CTNNA3: variants seen among roughly 807,000 people sequenced by gnomAD.
The protein encoded by CTNNA3 is catenin alpha-3.
CTNNA3 carries 76 observed loss-of-function variants against 95.7 expected under a neutral mutation model. That is an observed-to-expected ratio of 0.79 (90% CI 0.66 to 0.96). CTNNA3 has a LOEUF of 0.96. CTNNA3 is among the 40% of genes least tolerant of loss of function. The pLI, the probability that CTNNA3 is intolerant of heterozygous loss-of-function variation, is 0.00. For synonymous variants in CTNNA3, 431 were observed against 374.4 expected (o/e 1.15, Z -1.74); for missense variants, 1,191 against 1,089.8 (o/e 1.09, Z -1.31).
At chr10:67,176,624 C>T (rs2132126237) in intron 7 of CTNNA3, among the ~76,000 whole-genome samples, 1 of 152,276 alleles carries the variant, frequency 6.6e-6, no homozygotes, top group Non-Finnish European at 1.5e-5. Flanking sequence ...GAATATGTTA[C>T]CTGACATGGC....
intron 12 of CTNNA3, among the ~76,000 whole-genome samples, chr10:66,368,637 G>A (rs575555477): frequency 1.3e-5 from 2 of 151,934 alleles, no homozygotes; most frequent in South Asian, 4.1e-4. Context: ...TGGAGATACG[G>A]CAAATACATT....
intron 13 of CTNNA3, among the ~76,000 whole-genome samples, chr10:66,229,652 A>T (rs2089488642): frequency 2.0e-5 from 3 of 151,624 alleles, no homozygotes; most frequent in Admixed American, 2.0e-4. Context: ...CTGTTTTTAG[A>T]TTCTCCCCTT....
chr10:66,048,802 G>T (rs1037028979), intron 15 of CTNNA3, among the ~76,000 whole-genome samples: 7 of 151,956 alleles, frequency 4.6e-5, no homozygotes, highest in African/African-American at 1.7e-4. Context: ...ATGGATTAAA[G>T]ACTTAAATGT....
intron 5 of CTNNA3, among the ~76,000 whole-genome samples, chr10:67,463,624 C>G (rs1418516467): frequency 6.6e-6 from 1 of 152,074 alleles, no homozygotes; most frequent in Non-Finnish European, 1.5e-5. Context: ...TTTCTGGGAG[C>G]CTTTTGTTAC....
intron 5 of CTNNA3, among the ~76,000 whole-genome samples, chr10:67,445,517 C>T (rs531728867): frequency 6.6e-6 from 1 of 152,242 alleles, no homozygotes; most frequent in South Asian, 2.1e-4. Flanking sequence ...CAACCCACTT[C>T]CATGATAACA....
At chr10:67,657,188 A>G (rs777628592) in intron 1 of CTNNA3, among the ~76,000 whole-genome samples, 2 of 152,174 alleles carry the variant, frequency 1.3e-5, no homozygotes, top group Non-Finnish European at 2.9e-5. Context: ...AACTGGAAGG[A>G]TAGAGTTGCC....
chr10:67,726,443 TATA>T lies in CTNNA3; in HGVS notation c.-2+36988_-2+36990del, dbSNP rs1445347253. On this transcript the variant is annotated intron_variant, in intron 1 of 17. Transcript: ENST00000684154. ...ATTATATATTATATCATATATAATA[TATA>T]ATATTATATATGATATATGATATAA... 4.4e-3 allele frequency among the ~76,000 whole-genome samples: 312 copies of T among 71,522 alleles called. 14 individuals are homozygous for T. Among genetic ancestry groups the T allele is most frequent in the Middle Eastern group, 0.02 (1 of 50 alleles). The allele number at this position is 71,522 out of a possible 152,430, so 46.9% of individuals were successfully genotyped here.
At chr10:66,952,547 G>GTGT (rs1273630885) in intron 7 of CTNNA3, among the ~76,000 whole-genome samples, 1 of 152,114 alleles carries the variant, frequency 6.6e-6, no homozygotes, top group Non-Finnish European at 1.5e-5. Flanking sequence ...TTATGTGTGT[G>GTGT]TGTGTGGAGG....
Position 67,058,931 on chromosome 10 carries a change from G to A in CTNNA3, c.1047+121386C>T, listed in dbSNP as rs72804699. 2.1e-3 allele frequency among the ~76,000 whole-genome samples: 312 copies of A among 152,192 alleles called. 2 individuals are homozygous for A. Among genetic ancestry groups the A allele is most frequent in the Non-Finnish European group, 3.8e-3 (261 of 67,994 alleles). On this transcript the variant is annotated intron_variant, in intron 7 of 17. Coordinates refer to ENST00000433211, the MANE Select transcript of CTNNA3 (RefSeq NM_013266.4). ...TAGGCAGGCGTCAAGGACATTGTAA[G>A]CCATAAATCACCAAAAAAAGGCAAG...
At chr10:67,534,263 A>G (rs1383616639) in intron 4 of CTNNA3, among the ~76,000 whole-genome samples, 4 of 152,122 alleles carry the variant, frequency 2.6e-5, no homozygotes, top group African/African-American at 9.7e-5. Context: ...AGATTATTAT[A>G]TAGTAGGATT....
intron 7 of CTNNA3, among the ~76,000 whole-genome samples, chr10:66,985,234 A>G (rs1850664419): frequency 6.6e-6 from 1 of 152,210 alleles, no homozygotes; most frequent in Non-Finnish European, 1.5e-5. Flanking sequence ...TAAAGGGGTG[A>G]TTTATAGTAA....
chr10:67,008,953 CT>C (rs2133028179), intron 7 of CTNNA3, among the ~76,000 whole-genome samples: 1 of 151,954 alleles, frequency 6.6e-6, no homozygotes, highest in East Asian at 1.9e-4. Context: ...TAAAAGATAA[CT>C]TGGGTGGGTA....
At chr10:67,753,533 A>G (rs572090276) in intron 1 of CTNNA3, among the ~76,000 whole-genome samples, 11 of 152,310 alleles carry the variant, frequency 7.2e-5, no homozygotes, top group Middle Eastern at 3.4e-3. Flanking sequence ...CAGACAACCT[A>G]TGGAATGGGA....
intron 7 of CTNNA3, among the ~76,000 whole-genome samples, chr10:66,827,087 A>G (rs188220759): frequency 6.6e-6 from 1 of 152,214 alleles, no homozygotes; most frequent in Admixed American, 6.5e-5. Flanking sequence ...AGAGACCACA[A>G]CCTCAGAATG....
chr10:67,006,795 A>T (rs1475108643), intron 7 of CTNNA3, among the ~76,000 whole-genome samples: 2 of 107,658 alleles, frequency 1.9e-5, no homozygotes, highest in African/African-American at 6.2e-5. Flanking sequence ...TTACAGTCTT[A>T]AATTTTTTTT....
intron 10 of CTNNA3, among the ~76,000 whole-genome samples, chr10:66,552,693 T>C (rs1842256541): frequency 6.6e-6 from 1 of 151,450 alleles, no homozygotes; most frequent in Non-Finnish European, 1.5e-5. Flanking sequence ...GAGGTTGGAG[T>C]ATAATTTTTC....
intron 7 of CTNNA3, among the ~76,000 whole-genome samples, chr10:67,161,862 A>G (rs1861563471): frequency 6.6e-6 from 1 of 152,154 alleles, no homozygotes; most frequent in Non-Finnish European, 1.5e-5. Flanking sequence ...GCAAACATTA[A>G]TCAAAAGAAA....
At chr10:67,472,942 C>T (rs1478010646) in intron 5 of CTNNA3, among the ~76,000 whole-genome samples, 1 of 152,140 alleles carries the variant, frequency 6.6e-6, no homozygotes, top group African/African-American at 2.4e-5. Flanking sequence ...GATCACGTTC[C>T]CCTTTTACCT....
At chr10:66,797,368 C>A (rs147567273) in intron 7 of CTNNA3, among the ~76,000 whole-genome samples, 1 of 142,894 alleles carries the variant, frequency 7.0e-6, no homozygotes, top group African/African-American at 2.6e-5. Flanking sequence ...AGCAGCCCCA[C>A]AAGATAGAGT....
Sources: allele counts gnomAD v4.1 joint callset (sites outside exome capture counted in the v4.1 genomes callset), GRCh38; gene constraint gnomAD v4.1.1; transcripts MANE v1.5; gene names NCBI Gene and HGNC (gene_info 2026-07-23, HGNC 2026-07-21).